RFESD: variants seen among roughly 807,000 people sequenced by gnomAD.
The protein encoded by RFESD is Rieske Fe-S domain containing, also known as Rieske domain-containing protein.
RFESD carries 16 observed loss-of-function variants against 24.4 expected under a neutral mutation model. That is an observed-to-expected ratio of 0.66 (90% CI 0.44 to 1.00). RFESD has a LOEUF of 1.00. RFESD is among the 50% of genes least tolerant of loss of function. The probability of loss-of-function intolerance (pLI) is 0.00; values close to 1 mark genes in which losing one functional copy is unlikely to be tolerated. For missense variants in RFESD, 208 were observed against 247.0 expected, an observed-to-expected ratio of 0.84 and a Z score of 1.06; for synonymous variants, 59 against 81.8, an observed-to-expected ratio of 0.72 and a Z score of 1.50.
At chr5:95,654,761 A>G (rs1303260109) in intron 5 of RFESD, among the ~76,000 whole-genome samples, 1 of 152,172 alleles carries the variant, frequency 6.6e-6, no homozygotes, top group Non-Finnish European at 1.5e-5. Flanking sequence ...AGATGTGAAC[A>G]ATGTATTTGT....
At position 95,649,963 on chromosome 5, in the gene RFESD, C is replaced by T. The variant is rs571640076; in HGVS notation, c.-135-2174C>T. ...TTCTTATTACCCCTCTGTTCTGTCA[C>T]AAAATGTGATGAAGGCTGCATGCCC... is the stretch of plus-strand genomic sequence containing the variant. On this transcript the variant is annotated intron_variant, in intron 1 of 5. Transcript: ENST00000380005. Among the ~76,000 whole-genome samples the T allele has an allele frequency of 3.3e-5, 5 of 152,200 alleles. No individual in the cohort carries two copies. In the East Asian group the frequency reaches 9.6e-4, roughly 29 times the overall value.
In RFESD at chr5:95,657,378, A is replaced by T. The variant is rs1750825150; in HGVS notation, c.*1069A>T. On this transcript the variant is annotated 3_prime_UTR_variant, in exon 6 of 6. Transcript: ENST00000380005. The stretch of plus-strand genomic sequence containing the variant: ...AAGCACCCACCATGCAAAAATCAGC[A>T]GCACATAGTGGTGATTTTTGCATGG... 1 of 151,930 alleles carries T rather than the reference A, an allele frequency of 6.6e-6. No homozygotes were observed. Among genetic ancestry groups the T allele is most frequent in the Non-Finnish European group, 1.5e-5 (1 of 67,940 alleles). 9.4% of individuals were successfully genotyped at this position (151,930 alleles called of 1,614,324 possible). A position where few individuals can be genotyped will look rare whatever the true frequency, so the allele number is the denominator to read the frequency against.
At position 95,653,210 on chromosome 5, in the gene RFESD, C is replaced by G. The variant is rs1413200952; in HGVS notation, c.154C>G (p.Leu52Val). The G allele has an allele frequency of 6.4e-7, 1 of 1,551,654 alleles. No homozygotes were observed. The highest frequency in any genetic ancestry group is 1.2e-5 in the South Asian group (1 of 84,060). ...SAVISVTSFY[L>V]SMNLDGSAQD... ...TGTCATCTCAGTGACCAGTTTTTAT[C>G]TGAGGTAAGAAAATGAAAGGTTTTC... Residue 52 changes from leucine (L) to valine (V), a missense_variant, in exon 3 of 6, where the codon CTG becomes GTG. Leu to Val is a conservative substitution (Grantham distance 32, BLOSUM62 1). Transcript: ENST00000380005.
chr5:95,653,331 C>A, intron 3 of RFESD, 117 bp downstream of exon 3: 1 of 1,407,788 alleles, frequency 7.1e-7, no homozygotes, highest in Non-Finnish European at 9.5e-7. Context: ...CCACCTTAGC[C>A]AAGAGGCTGA....
At chr5:95,653,905 T>A (rs1187262867) in intron 3 of RFESD, among the ~76,000 whole-genome samples, 156 bp from the exon 4 acceptor site, 1 of 152,072 alleles carries the variant, frequency 6.6e-6, no homozygotes, top group Non-Finnish European at 1.5e-5. Context: ...CTCAAAATAA[T>A]AATAATCTAG....
rs542606475 is a variant in RFESD at position 95,657,140 on chromosome 5, G to T, written c.*831G>T. The T allele has an allele frequency of 6.6e-6, 1 of 152,016 alleles. No individual in the cohort carries two copies. The highest frequency in any genetic ancestry group is 1.9e-4 in the East Asian group (1 of 5,196). 9.4% of individuals were successfully genotyped at this position (152,016 alleles called of 1,614,324 possible). ...TTTTCAAATAAAGATTTTTAAAAAC[G>T]TTTTAGAACTTTGTGAATGTAGGCA... is the stretch of plus-strand genomic sequence containing the variant. On this transcript the variant is annotated 3_prime_UTR_variant, in exon 6 of 6. Transcript: ENST00000380005.
chr5:95,649,680 G>A (rs1230713683), intron 1 of RFESD, among the ~76,000 whole-genome samples: 1 of 152,060 alleles, frequency 6.6e-6, no homozygotes, highest in Non-Finnish European at 1.5e-5. Context: ...TTTCCTTTGC[G>A]TTTTCCTACT....
chr5:95,653,045 G>T (rs1004468332), intron 2 of RFESD, 72 bp from the exon 3 acceptor site: 9 of 1,539,126 alleles, frequency 5.8e-6, no homozygotes, highest in Non-Finnish European at 7.9e-6. Context: ...TGCATATTAT[G>T]TTCCAGTCTT....
At chr5:95,653,086 C>T (rs146477423) in intron 2 of RFESD, 31 bp from the exon 3 acceptor site, 629 of 1,550,372 alleles carry the variant, frequency 4.1e-4, no homozygotes, top group Middle Eastern at 3.0e-3. Context: ...CTTTTCTTTC[C>T]TTCAGGCTTT....
At position 95,657,351 on chromosome 5, in the gene RFESD, C is replaced by T. The variant is rs1157108748; in HGVS notation, c.*1042C>T. 2 of 151,680 alleles carry T rather than the reference C, an allele frequency of 1.3e-5. No homozygotes were observed. The highest frequency in any genetic ancestry group is 2.9e-5 in the Non-Finnish European group (2 of 67,882). The allele number at this position is 151,680 out of a possible 1,614,324, so 9.4% of individuals were successfully genotyped here. On this transcript the variant is annotated 3_prime_UTR_variant, in exon 6 of 6. Transcript: ENST00000380005. ...GTTGTAATGTATTTAAAATAACACC[C>T]CAAGCACCCACCATGCAAAAATCAG...
chr5:95,656,017 A>C (rs761197581), intron 5 of RFESD, 29 bp from the exon 6 acceptor site: 1 of 1,600,668 alleles, frequency 6.2e-7, no homozygotes, highest in Non-Finnish European at 8.5e-7. Flanking sequence ...GACATGTCAG[A>C]ATATTAAATG....
Position 95,657,064 on chromosome 5 carries a change from T to G in RFESD, c.*755T>G, listed in dbSNP as rs1182058073. The G allele has an allele frequency of 1.3e-5, 2 of 152,116 alleles. No homozygotes were observed. Among genetic ancestry groups the G allele is most frequent in the Non-Finnish European group, 2.9e-5 (2 of 67,988 alleles). 9.4% of individuals were successfully genotyped at this position (152,116 alleles called of 1,614,324 possible). On this transcript the variant is annotated 3_prime_UTR_variant, in exon 6 of 6. Transcript: ENST00000380005. Reference sequence around the variant, plus strand: ...ACAGCTGCTGCCCAGCCATGAGAGATGTAAAGTCTCCTATTCAGTGAGCCA... The same window carrying G: ...ACAGCTGCTGCCCAGCCATGAGAGAGGTAAAGTCTCCTATTCAGTGAGCCA...
intron 1 of RFESD, chr5:95,647,133 G>A (rs1340525165): frequency 6.6e-6 from 1 of 152,212 alleles, no homozygotes; most frequent in African/African-American, 2.4e-5. Flanking sequence ...TATAGAAGCT[G>A]CTCCAGGGCT....
chr5:95,655,618 A>T (rs529422575), intron 5 of RFESD: 2 of 155,434 alleles, frequency 1.3e-5, no homozygotes, highest in African/African-American at 4.8e-5. Flanking sequence ...TTGGATCACA[A>T]ATTGCTCTTC....
chr5:95,656,157 C>T lies in RFESD; in HGVS notation c.481C>T (p.Pro161Ser). 1 of 1,613,992 alleles carries T rather than the reference C, an allele frequency of 6.2e-7. No individual in the cohort carries two copies. Among genetic ancestry groups the T allele is most frequent in the South Asian group, 1.1e-5 (1 of 91,076 alleles). Residue 161 changes from proline (P) to serine (S), a missense_variant, in exon 6 of 6, where the codon CCC (proline) becomes TCC (serine). Transcript: ENST00000380005. ...AAACCCTAAAGATCCATCAGCAAAACCCAAGTGGTGCTCCAAAGGAATAAA... is the reference window on the plus strand; with the variant it reads ...AAACCCTAAAGATCCATCAGCAAAATCCAAGTGGTGCTCCAAAGGAATAAA... The part of the protein sequence containing the change: ...SINPKDPSAK[P>S]KWCSKGIKQR...
At chr5:95,652,502 G>A in intron 2 of RFESD, 171 bp downstream of exon 2, 2 of 826,090 alleles carry the variant, frequency 2.4e-6, no homozygotes, top group Non-Finnish European at 3.4e-6. Flanking sequence ...TTTCCATTCT[G>A]CAAAAATACC....
chr5:95,651,097 C>CAAAAAAAAA (rs1006612798), intron 1 of RFESD, among the ~76,000 whole-genome samples: 1 of 48,372 alleles, frequency 2.1e-5, no homozygotes, highest in Non-Finnish European at 4.3e-5. Context: ...GACTCCGTCT[C>CAAAAAAAAA]AAAAAAAAAA....
In RFESD at chr5:95,654,385, T is replaced by C. The variant is rs747471063; in HGVS notation, c.369+18T>C. ...ATATAGAGGTATGTAAAATTAAATT[T>C]ATTTTCAGCAAATTCAGCAAATAAA... On this transcript the variant is annotated intron_variant, in intron 5 of 5. Coordinates refer to ENST00000380005, the MANE Select transcript of RFESD (RefSeq NM_001131066.2). The C allele has an allele frequency of 2.0e-6, 3 of 1,531,560 alleles. No homozygotes were observed. Among genetic ancestry groups the C allele is most frequent in the Non-Finnish European group, 1.8e-6 (2 of 1,121,058 alleles). The allele number at this position is 1,531,560 out of a possible 1,614,324, so 94.9% of individuals were successfully genotyped here.
rs901064489 is a variant in RFESD, at chr5:95,656,524, A to T, written c.*215A>T. ...ACATTTTATCGAATCTTCTGGATTA[A>T]TTAGAAACCTGAAGGTTATAGGTTT... is the stretch of plus-strand genomic sequence containing the variant. On this transcript the variant is annotated 3_prime_UTR_variant, in exon 6 of 6. Transcript: ENST00000380005. 2.8e-5 allele frequency: 13 copies of T among 458,892 alleles called. 1 individual carries two copies. In the Admixed American group the frequency reaches 3.0e-4, roughly 11 times the overall value. The allele number at this position is 458,892 out of a possible 1,614,324, so 28.4% of individuals were successfully genotyped here.
Sources: gnomAD v4.1 joint callset for allele counts (sites outside exome capture counted in the v4.1 genomes callset) on GRCh38, gnomAD v4.1.1 for gene constraint, MANE v1.5 for transcripts, NCBI Gene and HGNC (gene_info 2026-07-23, HGNC 2026-07-21) for gene names.